Variants in SLAIN1 observed in about 807,000 individuals in gnomAD.
SLAIN1 encodes the protein SLAIN family member 1.
A neutral mutation model predicts 55.4 loss-of-function variants in SLAIN1; 17 were observed. That is an observed-to-expected ratio of 0.31 (90% confidence interval 0.21 to 0.46). SLAIN1 has a LOEUF of 0.46. Among genes scored for constraint, SLAIN1 ranks in the 20% least tolerant of loss-of-function variants. The probability of loss-of-function intolerance (pLI) is 1.00; values close to 1 mark genes in which losing one functional copy is unlikely to be tolerated. For synonymous variants in SLAIN1, 348 were observed against 337.4 expected (o/e 1.03, Z -0.35); for missense variants, 682 against 785.1 (o/e 0.87, Z 1.57).
chr13:77,727,010 G>A (rs2091313508), intron 2 of SLAIN1, among the ~76,000 whole-genome samples: 1 of 152,150 alleles, frequency 6.6e-6, no homozygotes, highest in African/African-American at 2.4e-5. Flanking sequence ...AATGTTAAAA[G>A]TGAAATAACA....
At chr13:77,703,398 GTT>G (rs537067741) in intron 1 of SLAIN1, among the ~76,000 whole-genome samples, 1 of 152,050 alleles carries the variant, frequency 6.6e-6, no homozygotes, top group African/African-American at 2.4e-5. Context: ...CACCTAAACT[GTT>G]TTTTGCATAA....
At chr13:77,750,395 A>G (rs1004549548) in intron 4 of SLAIN1, among the ~76,000 whole-genome samples, 1 of 152,132 alleles carries the variant, frequency 6.6e-6, no homozygotes, top group Non-Finnish European at 1.5e-5. Flanking sequence ...GCTTAAAAAT[A>G]TATGTATTGG....
At chr13:77,731,680 A>T (rs139092050) in intron 2 of SLAIN1, among the ~76,000 whole-genome samples, 2 of 152,240 alleles carry the variant, frequency 1.3e-5, no homozygotes, top group African/African-American at 4.8e-5. Context: ...TCTAGTGATC[A>T]CCTTATAGCT....
At chr13:77,748,443 C>T (rs1268913918) in intron 4 of SLAIN1, among the ~76,000 whole-genome samples, 3 of 108,310 alleles carry the variant, frequency 2.8e-5, no homozygotes, top group Non-Finnish European at 5.1e-5. Flanking sequence ...TGTTTTAGAA[C>T]ATCGTAGTCA....
Position 77,737,946 on chromosome 13 carries a change from T to G in SLAIN1, c.767-6337T>G, listed in dbSNP as rs555935204. On this transcript the variant is annotated intron_variant, in intron 2 of 6. Transcript: ENST00000418532. Reference sequence around the variant, plus strand: ...TGCTATAGCCACAATAGTTAGTGCCTATTCAAATGAATAGAGAAATGAATT... The same window carrying G: ...TGCTATAGCCACAATAGTTAGTGCCGATTCAAATGAATAGAGAAATGAATT... 2.4e-4 allele frequency among the ~76,000 whole-genome samples: 36 copies of G among 152,220 alleles called. No homozygotes were observed. The South Asian group carries it at 7.1e-3, about 30-fold the overall frequency.
In SLAIN1 at chr13:77,760,863, A is replaced by G. The variant is rs1594301664; in HGVS notation, c.1450A>G (p.Ser484Gly). 5.6e-6 allele frequency: 9 copies of G among 1,614,044 alleles called. No homozygotes were observed. The highest frequency in any genetic ancestry group is 6.8e-6 in the Non-Finnish European group (8 of 1,180,018). ...GGGACAGCTTCAACACAGGGTCCAC[A>G]GCGTGGGGCATTTCCCAGTGTCTAT... ...SPGQLQHRVH[S>G]VGHFPVSIRQ... is the part of the protein sequence containing the mutation. Residue 484 changes from serine (S) to glycine (G), a missense_variant, in exon 6 of 7, where the codon AGC becomes GGC. Ser to Gly is a moderately conservative substitution (Grantham distance 56). Around this residue, in one of 3 missense-constraint regions of SLAIN1, gnomAD observed 244 missense variants for 295.2 expected, o/e 0.83. Transcript: ENST00000418532.
At position 77,763,282 on chromosome 13, in the gene SLAIN1, C is replaced by A; in HGVS notation, c.*62C>A. 1 of 1,337,246 alleles carries A rather than the reference C, an allele frequency of 7.5e-7. No individual in the cohort carries two copies. The highest frequency in any genetic ancestry group is 1.1e-6 in the Non-Finnish European group (1 of 931,540). 82.8% of individuals were successfully genotyped at this position (1,337,246 alleles called of 1,614,324 possible). A position where few individuals can be genotyped will look rare whatever the true frequency, so the allele number is the denominator to read the frequency against. ...TAAAAATGAGGGTTGTGTTACCTAG[C>A]TGGCTGGGTAGCAGTGGATGTTGGG... On this transcript the variant is annotated 3_prime_UTR_variant, in exon 7 of 7. Coordinates refer to ENST00000418532, the MANE Select transcript of SLAIN1 (RefSeq NM_001242868.2).
chr13:77,747,508 T>C (rs923882388), intron 4 of SLAIN1, among the ~76,000 whole-genome samples: 8 of 152,198 alleles, frequency 5.3e-5, no homozygotes, highest in Non-Finnish European at 8.8e-5. Context: ...GTCAAGCCCA[T>C]GGAGGCAAAG....
chr13:77,698,443 C>A lies in SLAIN1; in HGVS notation c.530C>A (p.Ala177Glu). Residue 177 changes from alanine (A) to glutamate (E), a missense_variant, in exon 1 of 7, where the codon GCA (alanine) becomes GAA (glutamate). By Grantham distance (107) the Ala-to-Glu change is moderately radical. This residue lies in a region of SLAIN1 where 401 missense variants were observed against 417.3 expected (regional missense o/e 0.96). Coordinates refer to ENST00000418532, the MANE Select transcript of SLAIN1 (RefSeq NM_001242868.2). The surrounding 1 kb of genome is among the most constrained non-coding windows in gnomAD (Gnocchi z 4.1). ...GGAGTPPGAAAAPPSPPPTLL... is the reference protein window; with the variant it reads ...GGAGTPPGAAEAPPSPPPTLL... ...GCGGGGACGCCGCCAGGGGCAGCTG[C>A]AGCGCCGCCCTCGCCGCCCCCCACG... 1.4e-6 allele frequency: 2 copies of A among 1,433,106 alleles called. No homozygotes were observed. The highest frequency in any genetic ancestry group is 9.1e-7 in the Non-Finnish European group (1 of 1,098,088). 88.8% of individuals were successfully genotyped at this position (1,433,106 alleles called of 1,614,324 possible).
intron 2 of SLAIN1, 168 bp from the exon 3 acceptor site, chr13:77,744,115 G>T: frequency 1.6e-6 from 1 of 635,070 alleles, no homozygotes; most frequent in Non-Finnish European, 2.9e-6. Flanking sequence ...TTGTATATAT[G>T]AATTGTGTAC....
At position 77,698,752 on chromosome 13, in the gene SLAIN1, C is replaced by A; in HGVS notation, c.626+213C>A. 8.8e-7 allele frequency: 1 copy of A among 1,134,870 alleles called. No individual in the cohort carries two copies. Among genetic ancestry groups the A allele is most frequent in the Non-Finnish European group, 1.2e-6 (1 of 837,854 alleles). The allele number at this position is 1,134,870 out of a possible 1,614,324, so 70.3% of individuals were successfully genotyped here. ...AAGGCAGAAACCTGTTTTCTAATCG[C>A]TCCGACTGCGGATGAACCGGCCCCC... On this transcript the variant is annotated intron_variant, in intron 1 of 6. Transcript: ENST00000418532. The surrounding 1 kb of genome is among the most constrained non-coding windows in gnomAD (Gnocchi z 4.1).
At chr13:77,730,101 A>G (rs2091343231) in intron 2 of SLAIN1, among the ~76,000 whole-genome samples, 1 of 152,174 alleles carries the variant, frequency 6.6e-6, no homozygotes, top group Non-Finnish European at 1.5e-5. Context: ...AATGTGAGGA[A>G]ACGGCAGGCT....
In SLAIN1 at chr13:77,744,466, T is replaced by C. The variant is rs771913208; in HGVS notation, c.916+34T>C. 1.9e-6 allele frequency: 3 copies of C among 1,604,688 alleles called. No homozygotes were observed. The African/African-American group carries it at 4.0e-5, about 21-fold the overall frequency. On this transcript the variant is annotated intron_variant, in intron 3 of 6. Coordinates refer to ENST00000418532, the MANE Select transcript of SLAIN1 (RefSeq NM_001242868.2). Reference sequence around the variant, plus strand: ...TCTTTCTAAACTAGCAAAATGAGGCTTCCACTTGGAATATACAGGCAGAGG... The same window carrying C: ...TCTTTCTAAACTAGCAAAATGAGGCCTCCACTTGGAATATACAGGCAGAGG...
At chr13:77,739,540 A>C (rs1873305615) in intron 2 of SLAIN1, among the ~76,000 whole-genome samples, 1 of 152,096 alleles carries the variant, frequency 6.6e-6, no homozygotes, top group African/African-American at 2.4e-5. Context: ...ATATTAAATC[A>C]GTTTTTTCTT....
Position 77,753,290 on chromosome 13 carries a change from G to T in SLAIN1, c.1346G>T (p.Arg449Leu), listed in dbSNP as rs943224511. The T allele has an allele frequency of 6.2e-7, 1 of 1,612,998 alleles. No homozygotes were observed. The highest frequency in any genetic ancestry group is 1.1e-5 in the South Asian group (1 of 90,982). The change falls in exon 5 of 7, where the codon CGA becomes CTA. Residue 449 changes from arginine (R) to leucine (L), a missense_variant. Coordinates refer to ENST00000418532, the MANE Select transcript of SLAIN1 (RefSeq NM_001242868.2). ...AACATTAGTTCTCCGGTCACCGTGCGAAATAGTCAGAGTTTTGACTCAAGC... is the reference window on the plus strand; with the variant it reads ...AACATTAGTTCTCCGGTCACCGTGCTAAATAGTCAGAGTTTTGACTCAAGC... ...SSNISSPVTV[R>L]NSQSFDSSLH...
chr13:77,762,994 A>G, intron 6 of SLAIN1, 151 bp from the exon 7 acceptor site: 1 of 624,394 alleles, frequency 1.6e-6, no homozygotes, highest in South Asian at 2.1e-5. Flanking sequence ...GAAGACCCGT[A>G]AGTGTGAACC....
chr13:77,725,037 A>G (rs576231352), intron 2 of SLAIN1, among the ~76,000 whole-genome samples: 11 of 152,320 alleles, frequency 7.2e-5, no homozygotes, highest in Admixed American at 2.0e-4. Flanking sequence ...GGTACCTGAC[A>G]CAAAATAGAT....
At chr13:77,748,983 A>G (rs1399233224) in intron 4 of SLAIN1, among the ~76,000 whole-genome samples, 1 of 152,202 alleles carries the variant, frequency 6.6e-6, no homozygotes, top group Non-Finnish European at 1.5e-5. Flanking sequence ...TGGATGTGCT[A>G]AATAAAGGTT....
In SLAIN1 at chr13:77,698,895, C is replaced by A; in HGVS notation, c.626+356C>A. The A allele has an allele frequency of 6.5e-7, 1 of 1,532,092 alleles. No homozygotes were observed. Among genetic ancestry groups the A allele is most frequent in the Non-Finnish European group, 8.7e-7 (1 of 1,145,248 alleles). The allele number at this position is 1,532,092 out of a possible 1,614,324, so 94.9% of individuals were successfully genotyped here. A position where few individuals can be genotyped will look rare whatever the true frequency, so the allele number is the denominator to read the frequency against. ...TCTTTTTGCTCAGTGCTGCTCTTTT[C>A]CCCAGTGTTTTCGGAGGGATGACGG... On this transcript the variant is annotated intron_variant, in intron 1 of 6. Transcript: ENST00000418532. The surrounding 1 kb of genome is among the most constrained non-coding windows in gnomAD (Gnocchi z 4.1).
Sources: gnomAD v4.1 joint callset for allele counts (sites outside exome capture counted in the v4.1 genomes callset) on GRCh38, gnomAD v4.1.1 for gene constraint, gnomAD v4.1.1 regional missense constraint, Gnocchi (gnomAD v3.1) non-coding constraint, MANE v1.5 for transcripts, NCBI Gene and HGNC (gene_info 2026-07-23, HGNC 2026-07-21) for gene names.